The following KATNAL1 variants were observed in gnomAD, a reference collection of about 807,000 sequenced individuals.
The protein encoded by KATNAL1 is katanin catalytic subunit A1 like 1, also known as katanin p60 ATPase-containing subunit A-like 1.
Under a neutral mutation model 55.2 loss-of-function variants are expected in KATNAL1, and 32 were observed. The observed-to-expected ratio is 0.58, with a 90% CI of 0.44 to 0.78. KATNAL1 has a LOEUF of 0.78. Among genes scored for constraint, KATNAL1 ranks in the 30% least tolerant of loss-of-function variants. KATNAL1 has a pLI of 0.00. For missense variants in KATNAL1, 466 were observed against 600.9 expected, an observed-to-expected ratio of 0.78 and a Z score of 2.35; for synonymous variants, 193 against 193.6, an observed-to-expected ratio of 1.00 and a Z score of 0.02.
rs1205159752 is a variant in KATNAL1, at chr13:30,229,981, T to C, written c.1012+487A>G. Reference sequence around the variant, plus strand: ...TTTTTTTTTTTAACATTTTTGCAAATCTCTTTAATGTCTATCTAGAGAAAA... The same window carrying C: ...TTTTTTTTTTTAACATTTTTGCAAACCTCTTTAATGTCTATCTAGAGAAAA... On this transcript the variant is annotated intron_variant, in intron 8 of 10. Coordinates refer to ENST00000380615, the MANE Select transcript of KATNAL1 (RefSeq NM_032116.5). Among the ~76,000 whole-genome samples, 4 of 148,764 alleles carry C rather than the reference T, an allele frequency of 2.7e-5. 1 individual carries two copies. The highest frequency in any genetic ancestry group is 5.9e-5 in the Non-Finnish European group (4 of 67,398).
At chr13:30,265,408 TAAA>T (rs995570101) in intron 3 of KATNAL1, among the ~76,000 whole-genome samples, 2 of 99,406 alleles carry the variant, frequency 2.0e-5, no homozygotes, top group East Asian at 7.2e-4. Flanking sequence ...ATAAAAAAAT[TAAA>T]AAAAAAGAAA....
At chr13:30,248,330 T>C (rs981977740) in intron 4 of KATNAL1, among the ~76,000 whole-genome samples, 2 of 152,142 alleles carry the variant, frequency 1.3e-5, no homozygotes, top group Non-Finnish European at 2.9e-5. Flanking sequence ...GAATTCTAAA[T>C]CACAAGTTTG....
intron 1 of KATNAL1, among the ~76,000 whole-genome samples, chr13:30,294,481 GA>G (rs758037297): frequency 6.6e-6 from 1 of 152,216 alleles, no homozygotes; most frequent in Non-Finnish European, 1.5e-5. Flanking sequence ...TATGAAGGCT[GA>G]AAGAGGTGAG....
intron 1 of KATNAL1, 82 bp from the exon 2 acceptor site, chr13:30,283,873 A>C: frequency 5.9e-6 from 6 of 1,011,162 alleles, no homozygotes; most frequent in Non-Finnish European, 5.6e-6. Flanking sequence ...TATGTTTAAA[A>C]CTACTTTTTT....
At chr13:30,219,873 T>C (rs1485796343) in intron 9 of KATNAL1, among the ~76,000 whole-genome samples, 1 of 152,190 alleles carries the variant, frequency 6.6e-6, no homozygotes, top group Non-Finnish European at 1.5e-5. Context: ...CCAAAGGAAA[T>C]GGAGTTCCTA....
chr13:30,303,995 G>C (rs1325030392), intron 1 of KATNAL1, among the ~76,000 whole-genome samples: 1 of 152,192 alleles, frequency 6.6e-6, no homozygotes, highest in African/African-American at 2.4e-5. Flanking sequence ...AATGCTTTCA[G>C]TTGTTGAGCA....
intron 6 of KATNAL1, among the ~76,000 whole-genome samples, chr13:30,233,870 T>C (rs1876369370): frequency 6.6e-6 from 1 of 152,170 alleles, no homozygotes; most frequent in African/African-American, 2.4e-5. Context: ...CATGTTTTCA[T>C]TCATTTGTGG....
At chr13:30,254,490 A>T (rs1183515136) in intron 4 of KATNAL1, among the ~76,000 whole-genome samples, 1 of 152,178 alleles carries the variant, frequency 6.6e-6, no homozygotes, top group Non-Finnish European at 1.5e-5. Flanking sequence ...TTCAGAAAAC[A>T]CCAATTTTAT....
chr13:30,262,264 C>G (rs1879361783), intron 3 of KATNAL1, among the ~76,000 whole-genome samples: 1 of 151,688 alleles, frequency 6.6e-6, no homozygotes, highest in African/African-American at 2.4e-5. Context: ...CAAGAGAAAG[C>G]AGGAAAGATT....
intron 9 of KATNAL1, among the ~76,000 whole-genome samples, chr13:30,223,808 G>C (rs1473699539): frequency 6.6e-6 from 1 of 152,076 alleles, no homozygotes; most frequent in Non-Finnish European, 1.5e-5. Flanking sequence ...AGAAAAACTA[G>C]ACTAAAAAAT....
chr13:30,260,803 T>C (rs1879220777), intron 3 of KATNAL1, among the ~76,000 whole-genome samples: 1 of 147,616 alleles, frequency 6.8e-6, no homozygotes, highest in African/African-American at 2.5e-5. Flanking sequence ...CTGCAGGATA[T>C]CATCCAGGAG....
rs138631413 is a variant in KATNAL1, at chr13:30,284,170, T to C, written c.-14-379A>G. ...CCACTGCGCCCAGTCTAGAACTACTTTGAAAGTCAAAATAGTTACCATTCT... is the reference window on the plus strand; with the variant it reads ...CCACTGCGCCCAGTCTAGAACTACTCTGAAAGTCAAAATAGTTACCATTCT... On this transcript the variant is annotated intron_variant, in intron 1 of 10. Transcript: ENST00000380615. Among the ~76,000 whole-genome samples, 1,360 of 152,272 alleles carry C rather than the reference T, an allele frequency of 8.9e-3. 11 individuals are homozygous for C. The highest frequency in any genetic ancestry group is 0.051 in the Middle Eastern group (15 of 294).
At chr13:30,251,567 G>A (rs1041020344) in intron 4 of KATNAL1, among the ~76,000 whole-genome samples, 6 of 152,142 alleles carry the variant, frequency 3.9e-5, no homozygotes, top group Non-Finnish European at 7.4e-5. Context: ...ACCCTCAGCA[G>A]ATACCAAATC....
Position 30,206,800 on chromosome 13 carries a change from T to C in KATNAL1, c.*1740A>G, listed in dbSNP as rs761108228. The C allele has an allele frequency of 3.3e-5, 5 of 152,256 alleles. No homozygotes were observed. Among genetic ancestry groups the C allele is most frequent in the Non-Finnish European group, 5.9e-5 (4 of 68,004 alleles). 9.4% of individuals were successfully genotyped at this position (152,256 alleles called of 1,614,324 possible). On this transcript the variant is annotated 3_prime_UTR_variant, in exon 11 of 11. Transcript: ENST00000380615. ...TGACTGGCAATAGTTTGCAAAATAA[T>C]CGTAATGAAACTACTTATTTCTTTA...
At chr13:30,218,029 G>A (rs1353917211) in intron 9 of KATNAL1, among the ~76,000 whole-genome samples, 1 of 151,996 alleles carries the variant, frequency 6.6e-6, no homozygotes, top group African/African-American at 2.4e-5. Flanking sequence ...AAAATTTAAA[G>A]AGAAGGGAAG....
chr13:30,274,770 A>G (rs1257653035), intron 3 of KATNAL1, among the ~76,000 whole-genome samples: 1 of 152,132 alleles, frequency 6.6e-6, no homozygotes, highest in African/African-American at 2.4e-5. Flanking sequence ...CTGCACTCTC[A>G]TGTTCATTTC....
intron 3 of KATNAL1, among the ~76,000 whole-genome samples, chr13:30,271,265 T>C (rs1330769103): frequency 1.3e-5 from 2 of 152,374 alleles, no homozygotes; most frequent in East Asian, 3.8e-4. Flanking sequence ...GTTGAATGAT[T>C]TGTCCTCAGA....
chr13:30,285,262 T>A (rs1182483361), intron 1 of KATNAL1, among the ~76,000 whole-genome samples: 2 of 152,212 alleles, frequency 1.3e-5, no homozygotes, highest in Non-Finnish European at 2.9e-5. Flanking sequence ...CAACAAATAG[T>A]ACACTACTAA....
At chr13:30,274,213 G>C (rs79501535) in intron 3 of KATNAL1, among the ~76,000 whole-genome samples, 3,080 of 152,300 alleles carry the variant, frequency 0.02, 40 homozygotes, top group Non-Finnish European at 0.032. Context: ...AAATAACTGA[G>C]CCAGAGCCTG....
Sources: allele counts gnomAD v4.1 joint callset (sites outside exome capture counted in the v4.1 genomes callset), GRCh38; gene constraint gnomAD v4.1.1; transcripts MANE v1.5; gene names NCBI Gene and HGNC (gene_info 2026-07-23, HGNC 2026-07-21).